The following ERBIN variants were observed in gnomAD, a reference collection of about 807,000 sequenced individuals.
ERBIN encodes the protein densin-180-like protein.
A neutral mutation model predicts 158.4 loss-of-function variants in ERBIN; 60 were observed. The ratio of observed to expected loss-of-function variants is 0.38; its 90% CI spans 0.31 to 0.47. The LOEUF (loss-of-function observed/expected upper bound fraction) is 0.47, where lower values mean the gene tolerates loss of function less well. Among genes scored for constraint, ERBIN ranks in the 20% least tolerant of loss-of-function variants. ERBIN has a pLI of 0.99. For synonymous variants in ERBIN, 594 were observed against 557.2 expected (o/e 1.07, Z -0.93); for missense variants, 1,610 against 1,648.0 (o/e 0.98, Z 0.40).
intron 4 of ERBIN, among the ~76,000 whole-genome samples, chr5:66,008,497 T>C (rs1753856457): frequency 6.6e-6 from 1 of 152,182 alleles, no homozygotes; most frequent in African/African-American, 2.4e-5. Context: ...TAAATAATAT[T>C]AAGCTAATAA....
intron 1 of ERBIN, among the ~76,000 whole-genome samples, chr5:65,985,403 A>G (rs1193421217): frequency 1.3e-5 from 2 of 152,222 alleles, no homozygotes; most frequent in African/African-American, 4.8e-5. Flanking sequence ...CATTTTGTTT[A>G]AGACAAAGAA....
At chr5:65,933,699 C>T (rs974806448) in intron 1 of ERBIN, among the ~76,000 whole-genome samples, 14 of 152,122 alleles carry the variant, frequency 9.2e-5, no homozygotes, top group Non-Finnish European at 1.9e-4. Flanking sequence ...TTTCCCCGAC[C>T]CCAGCCTACT....
chr5:66,035,419 C>T (rs1757302198), intron 14 of ERBIN, among the ~76,000 whole-genome samples: 1 of 152,118 alleles, frequency 6.6e-6, no homozygotes. Flanking sequence ...GAAATGCAAC[C>T]CTTAACTACT....
At chr5:66,005,707 G>C (rs974171766) in intron 4 of ERBIN, among the ~76,000 whole-genome samples, 2 of 152,118 alleles carry the variant, frequency 1.3e-5, no homozygotes, top group Non-Finnish European at 2.9e-5. Flanking sequence ...AAAGTCTCAG[G>C]ATACAAAATC....
At chr5:65,986,831 C>A (rs572030018) in intron 1 of ERBIN, among the ~76,000 whole-genome samples, 68 of 151,952 alleles carry the variant, frequency 4.5e-4, no homozygotes, top group African/African-American at 1.4e-3. Flanking sequence ...TCCCACATAC[C>A]AAGAAATCCA....
chr5:65,929,163 C>T (rs1411347191), intron 1 of ERBIN, among the ~76,000 whole-genome samples: 1 of 152,118 alleles, frequency 6.6e-6, no homozygotes, highest in African/African-American at 2.4e-5. Context: ...TATGCTGTTT[C>T]TTAATGAAGT....
chr5:66,003,356 T>TA (rs59612078), intron 4 of ERBIN, among the ~76,000 whole-genome samples: 5,617 of 149,498 alleles, frequency 0.038, 349 homozygotes, highest in African/African-American at 0.13. Flanking sequence ...GCAGAAGGTG[T>TA]AAAAAAAAAA....
intron 1 of ERBIN, among the ~76,000 whole-genome samples, chr5:65,952,590 A>G (rs1746644185): frequency 6.6e-6 from 1 of 152,030 alleles, no homozygotes; most frequent in Non-Finnish European, 1.5e-5. Flanking sequence ...CTTACTGTTT[A>G]AACTTTGAGA....
At chr5:66,004,370 CTGTG>C (rs1038648349) in intron 4 of ERBIN, among the ~76,000 whole-genome samples, 2 of 151,646 alleles carry the variant, frequency 1.3e-5, no homozygotes, top group East Asian at 1.9e-4. Context: ...AAAATTCAGT[CTGTG>C]TGTGCGTGTG....
intron 7 of ERBIN, among the ~76,000 whole-genome samples, chr5:66,016,718 A>G (rs900206799): frequency 7.2e-5 from 11 of 151,726 alleles, no homozygotes; most frequent in Non-Finnish European, 1.5e-4. Flanking sequence ...AGTTAAGGCA[A>G]TTCTTGTTTC....
At chr5:65,999,935 C>A (rs1031466254) in intron 4 of ERBIN, among the ~76,000 whole-genome samples, 2 of 152,116 alleles carry the variant, frequency 1.3e-5, no homozygotes, top group Admixed American at 6.5e-5. Flanking sequence ...GAATTATTGT[C>A]ACTTTAGTTG....
At chr5:66,051,497 T>C (rs1759014395) in intron 20 of ERBIN, among the ~76,000 whole-genome samples, 1 of 152,000 alleles carries the variant, frequency 6.6e-6, no homozygotes, top group Non-Finnish European at 1.5e-5. Context: ...ATGTTGGCAG[T>C]GGGTTTGAAA....
chr5:66,077,932 G>A (rs941482397), intron 25 of ERBIN, among the ~76,000 whole-genome samples: 1 of 152,076 alleles, frequency 6.6e-6, no homozygotes, highest in African/African-American at 2.4e-5. Flanking sequence ...AAATAAGATA[G>A]TGAAAGAATC....
intron 4 of ERBIN, among the ~76,000 whole-genome samples, chr5:65,999,762 C>T (rs1238769972): frequency 1.3e-5 from 2 of 152,056 alleles, no homozygotes; most frequent in African/African-American, 2.4e-5. Context: ...AAATGTCTGC[C>T]GTTTCAGACT....
chr5:65,994,665 A>T, intron 3 of ERBIN, 82 bp from the exon 4 acceptor site: 1 of 750,128 alleles, frequency 1.3e-6, no homozygotes, highest in Non-Finnish European at 2.2e-6. Context: ...ATTCAGTTTT[A>T]ATATGGCTGA....
At chr5:66,059,727 A>C (rs1760040977) in intron 21 of ERBIN, among the ~76,000 whole-genome samples, 1 of 152,142 alleles carries the variant, frequency 6.6e-6, no homozygotes, top group African/African-American at 2.4e-5. Flanking sequence ...TACCTAATTT[A>C]TTGAGAGTTT....
chr5:65,978,852 T>C (rs1321331622), intron 1 of ERBIN, among the ~76,000 whole-genome samples: 2 of 151,844 alleles, frequency 1.3e-5, no homozygotes, highest in Non-Finnish European at 2.9e-5. Flanking sequence ...ATTCAAGGAG[T>C]GCTTGGAATT....
At chr5:65,971,226 AT>A (rs1260673034) in intron 1 of ERBIN, among the ~76,000 whole-genome samples, 1 of 149,346 alleles carries the variant, frequency 6.7e-6, no homozygotes, top group East Asian at 1.9e-4. Flanking sequence ...TTGCAGATTT[AT>A]CTTGTTTGTG....
intron 1 of ERBIN, among the ~76,000 whole-genome samples, chr5:65,939,282 C>G (rs886583500): frequency 6.6e-6 from 1 of 152,006 alleles, no homozygotes; most frequent in Non-Finnish European, 1.5e-5. Flanking sequence ...ACTAAAAATA[C>G]GAAAATTAGC....
Sources: gnomAD v4.1 joint callset for allele counts (sites outside exome capture counted in the v4.1 genomes callset) on GRCh38, gnomAD v4.1.1 for gene constraint, MANE v1.5 for transcripts, NCBI Gene and HGNC (gene_info 2026-07-23, HGNC 2026-07-21) for gene names.